CRAT: variants seen among roughly 807,000 people sequenced by gnomAD.
CRAT encodes carnitine O-acetyltransferase, also known as carnitine acetylase.
Under a neutral mutation model 73.7 loss-of-function variants are expected in CRAT, and 66 were observed. That is an observed-to-expected ratio of 0.90 (90% CI 0.73 to 1.10). The LOEUF is 1.10. Among genes scored for constraint, CRAT ranks in the 50% least tolerant of loss-of-function variants. The probability of loss-of-function intolerance (pLI) is 0.00; values close to 1 mark genes in which losing one functional copy is unlikely to be tolerated. For synonymous variants in CRAT, 321 were observed against 343.2 expected, an observed-to-expected ratio of 0.94 and a Z score of 0.71; for missense variants, 745 against 846.9, an observed-to-expected ratio of 0.88 and a Z score of 1.49.
chr9:129,097,566 G>A (rs540594503), intron 11 of CRAT, among the ~76,000 whole-genome samples: 11 of 151,844 alleles, frequency 7.2e-5, no homozygotes, highest in African/African-American at 2.2e-4. Context: ...AAAATTAGCC[G>A]GGCATGGTGG....
chr9:129,107,511 G>C lies in CRAT; in HGVS notation c.291+303C>G. On this transcript the variant is annotated intron_variant, in intron 2 of 13. Transcript: ENST00000318080. The surrounding 1 kb of genome is among the most constrained non-coding windows in gnomAD (Gnocchi z 5.0). ...CTGAGGCTGTCCCACCAAGCACAAG[G>C]GCATCTTCTATCTGGTTGTACCTGC... 1 of 633,666 alleles carries C rather than the reference G, an allele frequency of 1.6e-6. No individual in the cohort carries two copies. Among genetic ancestry groups the C allele is most frequent in the Non-Finnish European group, 2.9e-6 (1 of 346,300 alleles). The allele number at this position is 633,666 out of a possible 1,614,324, so 39.3% of individuals were successfully genotyped here.
At chr9:129,109,025 C>T in intron 1 of CRAT, 1 of 1,230,120 alleles carries the variant, frequency 8.1e-7, no homozygotes, top group Non-Finnish European at 1.0e-6. Context: ...AGCTGCTCCA[C>T]CCTCCCGAGC....
At position 129,110,280 on chromosome 9, in the gene CRAT, C is replaced by G. The variant is rs1008202258; in HGVS notation, c.27+203G>C. ...TCCTGGGTCGTTGGAACTGAATGCT[C>G]CAGGACGTGGGTTTAATCCCGCTTC... is the stretch of plus-strand genomic sequence containing the variant. On this transcript the variant is annotated intron_variant, in intron 1 of 13. Coordinates refer to ENST00000318080, the MANE Select transcript of CRAT (RefSeq NM_000755.5). The surrounding 1 kb of genome is among the most constrained non-coding windows in gnomAD (Gnocchi z 5.3). Among the ~76,000 whole-genome samples the G allele has an allele frequency of 6.6e-6, 1 of 152,184 alleles. No homozygotes were observed. Among genetic ancestry groups the G allele is most frequent in the African/African-American group, 2.4e-5 (1 of 41,442 alleles).
chr9:129,095,882 C>T, intron 13 of CRAT, 116 bp downstream of exon 13: 2 of 1,435,722 alleles, frequency 1.4e-6, no homozygotes, highest in South Asian at 1.2e-5. Flanking sequence ...GCCCCCAGCT[C>T]CTCCTCTGGA....
Position 129,095,307 on chromosome 9 carries a change from G to T in CRAT, c.*90C>A. The T allele has an allele frequency of 7.2e-7, 1 of 1,380,188 alleles. No individual in the cohort carries two copies. The highest frequency in any genetic ancestry group is 1.0e-6 in the Non-Finnish European group (1 of 994,934). 85.5% of individuals were successfully genotyped at this position (1,380,188 alleles called of 1,614,324 possible). Reference sequence around the variant, plus strand: ...GGGGGACCAGGGAAGAGGGAACCAAGGAAGAGGGAACCAAGGAGCTGAGCC... The same window carrying T: ...GGGGGACCAGGGAAGAGGGAACCAATGAAGAGGGAACCAAGGAGCTGAGCC... On this transcript the variant is annotated 3_prime_UTR_variant, in exon 14 of 14. Transcript: ENST00000318080.
Position 129,096,040 on chromosome 9 carries a change from G to A in CRAT, c.1623C>T (p.Thr541=). Residue 541 remains threonine, a synonymous_variant, in exon 13 of 14, where the codon ACC becomes ACT. Coordinates refer to ENST00000318080, the MANE Select transcript of CRAT (RefSeq NM_000755.5). ...GGAAGTGCATGGCGATGGCGTAGGA[G>A]GTGTCCATGAAGATGTCGGGCATGC... ...LVSMPDIFMD[T]SYAIAMHFHL... is the part of the protein sequence containing the mutation. 6.2e-7 allele frequency: 1 copy of A among 1,614,088 alleles called. No individual in the cohort carries two copies. Among genetic ancestry groups the A allele is most frequent in the Non-Finnish European group, 8.5e-7 (1 of 1,180,034 alleles).
intron 2 of CRAT, among the ~76,000 whole-genome samples, chr9:129,104,706 G>A (rs17508675): frequency 3.3e-5 from 5 of 151,446 alleles, no homozygotes; most frequent in Non-Finnish European, 7.4e-5. Flanking sequence ...CTGGGTTCAC[G>A]CCATTCTCCT....
chr9:129,110,361 A>C lies in CRAT; in HGVS notation c.27+122T>G. ...AAACCTGGGACGCCCGCCTGACCCC[A>C]CCCCATCAGCTGGAGGCCGGGTCGA... is the stretch of plus-strand genomic sequence containing the variant. On this transcript the variant is annotated intron_variant, in intron 1 of 13. Coordinates refer to ENST00000318080, the MANE Select transcript of CRAT (RefSeq NM_000755.5). The surrounding 1 kb of genome is among the most constrained non-coding windows in gnomAD (Gnocchi z 5.3). 1 of 1,041,038 alleles carries C rather than the reference A, an allele frequency of 9.6e-7. No individual in the cohort carries two copies. The highest frequency in any genetic ancestry group is 1.3e-6 in the Non-Finnish European group (1 of 756,372). 64.5% of individuals were successfully genotyped at this position (1,041,038 alleles called of 1,614,324 possible). A position where few individuals can be genotyped will look rare whatever the true frequency, so the allele number is the denominator to read the frequency against.
At chr9:129,099,768 C>G (rs1429092738) in intron 8 of CRAT, 98 bp downstream of exon 8, 2 of 981,274 alleles carry the variant, frequency 2.0e-6, no homozygotes, top group African/African-American at 3.3e-5. Flanking sequence ...TTCCCAGGCA[C>G]AAAGGAGAGT....
chr9:129,102,020 G>A lies in CRAT; in HGVS notation c.668C>T (p.Pro223Leu). The A allele has an allele frequency of 6.2e-7, 1 of 1,614,164 alleles. No homozygotes were observed. Among genetic ancestry groups the A allele is most frequent in the Non-Finnish European group, 8.5e-7 (1 of 1,180,004 alleles). ...ELDVYHSDGT[P>L]LTADQIFVQL... The stretch of plus-strand genomic sequence containing the variant: ...CACAAAGATCTGATCCGCAGTGAGG[G>A]GTGTCCCGTCACTGTGGTACACATC... The change falls in exon 6 of 14, where the codon CCC (proline) becomes CTC (leucine). Residue 223 changes from proline (P) to leucine (L), a missense_variant. Physicochemically the swap from Pro to Leu is moderately conservative, Grantham distance 98. Coordinates refer to ENST00000318080, the MANE Select transcript of CRAT (RefSeq NM_000755.5).
chr9:129,098,619 C>G lies in CRAT; in HGVS notation c.1117G>C (p.Val373Leu). ...AGCTTCTTGGGCATGGGCAGGGGCA[C>G]CAGGGGAGACCGCACAAGCTCGGGT... is the stretch of plus-strand genomic sequence containing the variant. Reference protein sequence around the residue: ...KKPELVRSPLVPLPMPKKLRF... With the variant: ...KKPELVRSPLLPLPMPKKLRF... Residue 373 changes from valine (V) to leucine (L), a missense_variant, in exon 9 of 14, where the codon GTG becomes CTG. Transcript: ENST00000318080. The G allele has an allele frequency of 1.2e-6, 2 of 1,600,386 alleles. No homozygotes were observed. Among genetic ancestry groups the G allele is most frequent in the South Asian group, 2.2e-5 (2 of 88,958 alleles).
chr9:129,096,021 G>A lies in CRAT; in HGVS notation c.1642C>T (p.His548Tyr). Residue 548 changes from histidine (H) to tyrosine (Y), a missense_variant, in exon 13 of 14, where the codon CAC becomes TAC. His to Tyr is a moderately conservative substitution (Grantham distance 83, BLOSUM62 2). Transcript: ENST00000318080. Reference sequence around the variant, plus strand: ...ACCTGGCTGGTGGAGAGGTGGAAGTGCATGGCGATGGCGTAGGAGGTGTCC... The same window carrying A: ...ACCTGGCTGGTGGAGAGGTGGAAGTACATGGCGATGGCGTAGGAGGTGTCC... Reference protein sequence around the residue: ...FMDTSYAIAMHFHLSTSQVPA... With the variant: ...FMDTSYAIAMYFHLSTSQVPA... 1 of 1,614,036 alleles carries A rather than the reference G, an allele frequency of 6.2e-7. No homozygotes were observed. The highest frequency in any genetic ancestry group is 8.5e-7 in the Non-Finnish European group (1 of 1,180,018).
chr9:129,103,161 T>C lies in CRAT; in HGVS notation c.411-95A>G, dbSNP rs1588454290. The C allele has an allele frequency of 4.3e-5, 45 of 1,051,864 alleles. No individual in the cohort carries two copies. The highest frequency in any genetic ancestry group is 1.5e-6 in the Non-Finnish European group (1 of 670,720). The allele number at this position is 1,051,864 out of a possible 1,614,324, so 65.2% of individuals were successfully genotyped here. On this transcript the variant is annotated intron_variant, in intron 3 of 13. Coordinates refer to ENST00000318080, the MANE Select transcript of CRAT (RefSeq NM_000755.5). The surrounding 1 kb of genome is among the most constrained non-coding windows in gnomAD (Gnocchi z 4.6). ...GCTTGGGGAGCGGGAGGTCTAGTCT[T>C]CCAGCCTCTCTCACCGCTTCCAGAA...
Position 129,095,465 on chromosome 9 carries a change from G to A in CRAT, c.1813C>T (p.His605Tyr). ...TCCAGGAGCGCCTTCTCCAGGTAAT[G>A]CGCCAGGCGGGCGGCGTTGGTCTCC... ...CAETNAARLAHYLEKALLDMR... is the reference protein window; with the variant it reads ...CAETNAARLAYYLEKALLDMR... The change falls in exon 14 of 14, where the codon CAT (histidine) becomes TAT (tyrosine). Residue 605 changes from histidine (H) to tyrosine (Y), a missense_variant. His to Tyr is a moderately conservative substitution (Grantham distance 83, BLOSUM62 2). Coordinates refer to ENST00000318080, the MANE Select transcript of CRAT (RefSeq NM_000755.5). 1.2e-6 allele frequency: 2 copies of A among 1,613,420 alleles called. No individual in the cohort carries two copies. Among genetic ancestry groups the A allele is most frequent in the South Asian group, 2.2e-5 (2 of 91,088 alleles).
chr9:129,102,676 C>T (rs12553915), intron 4 of CRAT, 111 bp from the exon 5 acceptor site: 26,980 of 1,251,676 alleles, frequency 0.022, 366 homozygotes, highest in Non-Finnish European at 0.027. Flanking sequence ...TGTCCCTGCT[C>T]CCACTCCCAG....
At position 129,110,017 on chromosome 9, in the gene CRAT, C is replaced by T. The variant is rs1848308856; in HGVS notation, c.27+466G>A. On this transcript the variant is annotated intron_variant, in intron 1 of 13. Transcript: ENST00000318080. The surrounding 1 kb of genome is among the most constrained non-coding windows in gnomAD (Gnocchi z 5.3). ...TGAGGCCTTTCTAGCTTGATGCCTC[C>T]GCGTGTTTCTCTGGCCACACACAAT... Among the ~76,000 whole-genome samples the T allele has an allele frequency of 6.6e-6, 1 of 152,120 alleles. No individual in the cohort carries two copies. Among genetic ancestry groups the T allele is most frequent in the Non-Finnish European group, 1.5e-5 (1 of 68,008 alleles).
At chr9:129,101,232 G>A (rs1188665229) in intron 6 of CRAT, among the ~76,000 whole-genome samples, 3 of 152,228 alleles carry the variant, frequency 2.0e-5, no homozygotes, top group Non-Finnish European at 2.9e-5. Context: ...AGGATGCAGC[G>A]GGAAACATGT....
intron 8 of CRAT, among the ~76,000 whole-genome samples, chr9:129,099,387 G>A (rs1847511230): frequency 1.3e-5 from 2 of 148,480 alleles, no homozygotes; most frequent in South Asian, 4.3e-4. Context: ...GCCTCCCAAA[G>A]TGCTGGGATT....
Position 129,110,676 on chromosome 9 carries a change from T to A in CRAT, c.-167A>T. ...TAGAGGCAGCCCCGCGCCCACCCTC[T>A]GGGCCGAGCGGGCTGCGGGAAGGCA... On this transcript the variant is annotated 5_prime_UTR_variant, in exon 1 of 14. Transcript: ENST00000318080. This position sits in a 1 kb window ranked among gnomAD's most constrained non-coding sequence, Gnocchi z 5.3. 1.1e-6 allele frequency: 1 copy of A among 875,288 alleles called. No homozygotes were observed. The highest frequency in any genetic ancestry group is 1.6e-6 in the Non-Finnish European group (1 of 618,736). The allele number at this position is 875,288 out of a possible 1,614,324, so 54.2% of individuals were successfully genotyped here. A position where few individuals can be genotyped will look rare whatever the true frequency, so the allele number is the denominator to read the frequency against.
Sources: gnomAD v4.1 joint callset for allele counts (sites outside exome capture counted in the v4.1 genomes callset) on GRCh38, gnomAD v4.1.1 for gene constraint, Gnocchi (gnomAD v3.1) non-coding constraint, MANE v1.5 for transcripts, NCBI Gene and HGNC (gene_info 2026-07-23, HGNC 2026-07-21) for gene names.